The following TSC22D1 variants were observed in gnomAD, a reference collection of about 807,000 sequenced individuals.
TSC22D1 encodes TSC22 domain family member 1, also known as TSC22 domain family protein 1.
TSC22D1 carries 9 observed loss-of-function variants against 74.2 expected under a neutral mutation model. The ratio of observed to expected loss-of-function variants is 0.12; its 90% CI spans 0.07 to 0.21. The LOEUF (loss-of-function observed/expected upper bound fraction) is 0.21, where lower values mean the gene tolerates loss of function less well. Among genes scored for constraint, TSC22D1 ranks in the 10% least tolerant of loss-of-function variants. TSC22D1 has a pLI of 1.00. For synonymous variants in TSC22D1, 586 were observed against 492.5 expected, an observed-to-expected ratio of 1.19 and a Z score of -2.51; for missense variants, 1,427 against 1,304.7, an observed-to-expected ratio of 1.09 and a Z score of -1.44.
chr13:44,574,344 G>C lies in TSC22D1; in HGVS notation c.1731C>G (p.Ile577Met). Residue 577 changes from isoleucine (I) to methionine (M), a missense_variant, in exon 1 of 3, where the codon ATC (isoleucine) becomes ATG (methionine). Ile to Met is a conservative substitution (Grantham distance 10, BLOSUM62 1). Transcript: ENST00000458659. ...LQATMSAATGIQPSPVNVVGV... is the reference protein window; with the variant it reads ...LQATMSAATGMQPSPVNVVGV... ...CAACCACATTTACAGGCGATGGCTG[G>C]ATACCAGTTGCAGCACTCATAGTGG... The C allele has an allele frequency of 6.2e-7, 1 of 1,614,264 alleles. No individual in the cohort carries two copies. The highest frequency in any genetic ancestry group is 2.2e-5 in the East Asian group (1 of 44,894).
chr13:44,456,685 A>G (rs1348992092), intron 1 of TSC22D1, among the ~76,000 whole-genome samples: 2 of 152,054 alleles, frequency 1.3e-5, no homozygotes, highest in Admixed American at 6.5e-5. Context: ...GTAAAATCCT[A>G]AAAGATTACA....
chr13:44,564,859 G>GA lies in TSC22D1; in HGVS notation c.2912+8303dup, dbSNP rs1303270476. ...TGTTAGAGCAATGGCAATAAGGATG[G>GA]AAAAAAAAGATGAAGATATATTTTA... On this transcript the variant is annotated intron_variant, in intron 1 of 2. Coordinates refer to ENST00000458659, the MANE Select transcript of TSC22D1 (RefSeq NM_183422.4). 2.0e-5 allele frequency among the ~76,000 whole-genome samples: 3 copies of GA among 151,454 alleles called. 1 individual carries two copies. The highest frequency in any genetic ancestry group is 4.2e-4 in the South Asian group (2 of 4,808).
chr13:44,556,380 T>TA (rs1272854314), intron 1 of TSC22D1, among the ~76,000 whole-genome samples: 1 of 148,546 alleles, frequency 6.7e-6, no homozygotes, highest in Admixed American at 6.7e-5. Context: ...CCCCGTCTCT[T>TA]AAAAAAAATA....
In TSC22D1 at chr13:44,574,931, G is replaced by C; in HGVS notation, c.1144C>G (p.Pro382Ala). The change falls in exon 1 of 3, where the codon CCT (proline) becomes GCT (alanine). Residue 382 changes from proline (P) to alanine (A), a missense_variant. Transcript: ENST00000458659. ...CCAGTCATCCCTGCAGCTGCATTAG[G>C]AACACTGCTAACAGCAGCAGAGGAA... ...ISSSAAVSSV[P>A]NAAAGMTGGS... is the part of the protein sequence containing the mutation. 1 of 1,614,058 alleles carries C rather than the reference G, an allele frequency of 6.2e-7. No individual in the cohort carries two copies. The highest frequency in any genetic ancestry group is 1.1e-5 in the South Asian group (1 of 91,080).
In TSC22D1 at chr13:44,434,979, A is replaced by C. The variant is rs1041782745; in HGVS notation, c.2965-96T>G. ...TTATTTTACATGGATCTCCCTAACT[A>C]TTTACATATTCCACCTTTAAAGTTG... On this transcript the variant is annotated intron_variant, in intron 2 of 2. Transcript: ENST00000458659. 57 of 1,058,146 alleles carry C rather than the reference A, an allele frequency of 5.4e-5. 1 individual carries two copies. The highest frequency in any genetic ancestry group is 7.3e-5 in the Non-Finnish European group (53 of 721,268). The allele number at this position is 1,058,146 out of a possible 1,614,324, so 65.5% of individuals were successfully genotyped here.
chr13:44,556,875 G>A (rs1298743199), intron 1 of TSC22D1, among the ~76,000 whole-genome samples: 5 of 152,142 alleles, frequency 3.3e-5, no homozygotes, highest in Non-Finnish European at 7.3e-5. Context: ...CGAGCATGGT[G>A]TCTCACACCT....
intron 1 of TSC22D1, chr13:44,474,152 G>T: frequency 1.3e-6 from 1 of 798,438 alleles, no homozygotes; most frequent in Non-Finnish European, 1.5e-6. Context: ...AAGGTACTAG[G>T]CAGGACTTAG....
At chr13:44,506,230 G>A (rs530957371) in intron 1 of TSC22D1, among the ~76,000 whole-genome samples, 1 of 152,294 alleles carries the variant, frequency 6.6e-6, no homozygotes, top group African/African-American at 2.4e-5. Context: ...TATGGTCCCA[G>A]AAGGGCAGGT....
chr13:44,487,222 G>C (rs1878467941), intron 1 of TSC22D1, among the ~76,000 whole-genome samples: 1 of 152,152 alleles, frequency 6.6e-6, no homozygotes, highest in African/African-American at 2.4e-5. Flanking sequence ...TTACTGGCCA[G>C]GTGTGGTGGC....
Position 44,549,824 on chromosome 13 carries a change from C to A in TSC22D1, c.2912+23339G>T, listed in dbSNP as rs564004040. Among the ~76,000 whole-genome samples, 3 of 149,938 alleles carry A rather than the reference C, an allele frequency of 2.0e-5. No homozygotes were observed. The South Asian group carries it at 6.4e-4, about 32-fold the overall frequency. The stretch of plus-strand genomic sequence containing the variant: ...AGGCGGCGGCGGCAAGAACAGCAAG[C>A]AAGCAACCAAGCTAGCTGTGTCTGT... On this transcript the variant is annotated intron_variant, in intron 1 of 2. Coordinates refer to ENST00000458659, the MANE Select transcript of TSC22D1 (RefSeq NM_183422.4).
In TSC22D1 at chr13:44,573,446, A is replaced by G; in HGVS notation, c.2629T>C (p.Leu877=). The G allele has an allele frequency of 6.2e-7, 1 of 1,614,236 alleles. No individual in the cohort carries two copies. Among genetic ancestry groups the G allele is most frequent in the Non-Finnish European group, 8.5e-7 (1 of 1,180,050 alleles). ...GGCAAATTTGTATTAGTTGCTATCA[A>G]GGGAGGTTGACTAACACTTTGAACC... The part of the protein sequence containing the change: ...NLVQSVSQPP[L]IATNTNLPLA... Residue 877 remains leucine, a synonymous_variant, in exon 1 of 3, where the codon TTG becomes CTG. Transcript: ENST00000458659.
intron 1 of TSC22D1, chr13:44,436,397 A>G (rs1278959652): frequency 1.9e-5 from 26 of 1,375,628 alleles, no homozygotes; most frequent in Non-Finnish European, 2.5e-5. Context: ...CCATGTCACC[A>G]TAATCTCTCA....
chr13:44,554,618 CAATACCAGGAACAAAAAAAAAAA>C (rs1298068883), intron 1 of TSC22D1, among the ~76,000 whole-genome samples: 2 of 84,846 alleles, frequency 2.4e-5, no homozygotes, highest in Non-Finnish European at 4.9e-5. Flanking sequence ...TAAATCATCC[CAATACCAGGAACAAAAAAAAAAA>C]AAAAAAAAAA....
At chr13:44,566,909 T>G (rs933825330) in intron 1 of TSC22D1, among the ~76,000 whole-genome samples, 34 of 152,046 alleles carry the variant, frequency 2.2e-4, no homozygotes, top group African/African-American at 7.7e-4. Context: ...CAGTACCACA[T>G]CTATATAAGT....
chr13:44,436,467 G>A, intron 1 of TSC22D1: 9 of 1,605,334 alleles, frequency 5.6e-6, no homozygotes, highest in Non-Finnish European at 7.7e-6. Context: ...AGTATCCCAC[G>A]AATAAATTTA....
At chr13:44,541,609 T>A (rs1253761777) in intron 1 of TSC22D1, among the ~76,000 whole-genome samples, 1 of 152,176 alleles carries the variant, frequency 6.6e-6, no homozygotes, top group Non-Finnish European at 1.5e-5. Context: ...TTTAAAAGAC[T>A]GTATCTTTAG....
At chr13:44,504,264 T>C (rs1595122790) in intron 1 of TSC22D1, among the ~76,000 whole-genome samples, 1 of 138,244 alleles carries the variant, frequency 7.2e-6, no homozygotes, top group Admixed American at 7.3e-5. Context: ...ATTTCACCTG[T>C]AGTCTAGTTT....
intron 1 of TSC22D1, chr13:44,539,294 A>G (rs557835621): frequency 1.2e-3 from 1,183 of 985,414 alleles, no homozygotes; most frequent in Non-Finnish European, 1.4e-3. Flanking sequence ...AAAAGATCTA[A>G]TATGAAGTCC....
intron 1 of TSC22D1, among the ~76,000 whole-genome samples, chr13:44,555,330 C>T (rs970637463): frequency 6.6e-6 from 1 of 151,876 alleles, no homozygotes; most frequent in Non-Finnish European, 1.5e-5. Context: ...ATACGTAGGT[C>T]GGGCGTGGTG....
Sources: gnomAD v4.1 joint callset for allele counts (sites outside exome capture counted in the v4.1 genomes callset) on GRCh38, gnomAD v4.1.1 for gene constraint, MANE v1.5 for transcripts, NCBI Gene and HGNC (gene_info 2026-07-23, HGNC 2026-07-21) for gene names.